The following SDHD variants were observed in gnomAD, a reference collection of about 807,000 sequenced individuals.
The protein encoded by SDHD is succinate dehydrogenase complex subunit D, also known as succinate dehydrogenase [ubiquinone] cytochrome b small subunit, mitochondrial.
In SDHD, 6 loss-of-function variants were observed where a neutral mutation model predicts 18.7. The observed-to-expected ratio is 0.32, with a 90% confidence interval of 0.18 to 0.63. SDHD has a LOEUF of 0.63. Ranked by LOEUF, SDHD falls within the 30% of genes least tolerant of loss-of-function variation. The pLI is 0.79. For missense variants in SDHD, 160 were observed against 192.7 expected (o/e 0.83, Z 1.00); for synonymous variants, 56 against 73.9 (o/e 0.76, Z 1.24).
At position 112,088,939 on chromosome 11, in the gene SDHD, C is replaced by T. The variant is rs80338844; in HGVS notation, c.242C>T (p.Pro81Leu). The change falls in exon 3 of 4, where the codon CCG becomes CTG. Residue 81 changes from proline (P) to leucine (L), a missense_variant. By Grantham distance (98) the Pro-to-Leu change is moderately conservative (BLOSUM62 -3). Transcript: ENST00000375549. ...AGTGTTTTGCTCCTGGGTCTGCTTC[C>T]GGCTGCTTATTTGAATCCTTGCTCT... Reference protein sequence around the residue: ...VVSVLLLGLLPAAYLNPCSAM... With the variant: ...VVSVLLLGLLLAAYLNPCSAM... 49 of 1,613,648 alleles carry T rather than the reference C, an allele frequency of 3.0e-5. No individual in the cohort carries two copies. Among genetic ancestry groups the T allele is most frequent in the Non-Finnish European group, 3.8e-5 (45 of 1,180,014 alleles).
In SDHD at chr11:112,095,300, C is replaced by T. The variant is rs202236414; in HGVS notation, c.*330C>T. The T allele has an allele frequency of 1.8e-5, 7 of 398,008 alleles. No individual in the cohort carries two copies. The highest frequency in any genetic ancestry group is 2.8e-5 in the Non-Finnish European group (6 of 212,846). 24.7% of individuals were successfully genotyped at this position (398,008 alleles called of 1,614,324 possible). ...TCTTAAAGAGAATCCAACTTTATTA[C>T]GATTAGTATATGATCAAACTTCCAT... is the stretch of plus-strand genomic sequence containing the variant. On this transcript the variant is annotated 3_prime_UTR_variant, in exon 4 of 4. Transcript: ENST00000375549.
At chr11:112,089,248 T>A (rs531564326) in intron 3 of SDHD, among the ~76,000 whole-genome samples, 2 of 152,368 alleles carry the variant, frequency 1.3e-5, no homozygotes, top group East Asian at 3.9e-4. Flanking sequence ...ACTGAATTTC[T>A]GATCTCCCCT....
intron 3 of SDHD, among the ~76,000 whole-genome samples, chr11:112,091,720 A>G (rs999146767): frequency 6.6e-6 from 1 of 151,922 alleles, no homozygotes; most frequent in Non-Finnish European, 1.5e-5. Context: ...GTCATTCTAG[A>G]TATTTCTTTT....
At chr11:112,088,519 T>C (rs1865672056) in intron 2 of SDHD, 1 of 369,204 alleles carries the variant, frequency 2.7e-6, no homozygotes, top group Non-Finnish European at 5.2e-6. Flanking sequence ...CCTGGACCAC[T>C]AACTTACATT....
rs370761122 is a variant in SDHD, at chr11:112,086,967, G to A, written c.52+8G>A. ...GTGCCCTAGGAGGCCGAGGTGAGGG[G>A]TCTTCCCACCCTGAGGTGCTTAGCG... On this transcript the variant is annotated splice_region_variant and intron_variant, in intron 1 of 3. Coordinates refer to ENST00000375549, the MANE Select transcript of SDHD (RefSeq NM_003002.4). 8.1e-6 allele frequency: 13 copies of A among 1,614,172 alleles called. No individual in the cohort carries two copies. Among genetic ancestry groups the A allele is most frequent in the Non-Finnish European group, 1.1e-5 (13 of 1,180,018 alleles).
intron 1 of SDHD, 110 bp from the exon 2 acceptor site, chr11:112,087,747 G>A: frequency 1.3e-6 from 1 of 783,324 alleles, no homozygotes; most frequent in Non-Finnish European, 2.3e-6. Flanking sequence ...TTACAAATAA[G>A]ATGTTATCCC....
At chr11:112,091,378 G>A (rs1031371685) in intron 3 of SDHD, among the ~76,000 whole-genome samples, 1 of 152,160 alleles carries the variant, frequency 6.6e-6, no homozygotes, top group Non-Finnish European at 1.5e-5. Context: ...CTCCCCATAA[G>A]TCACTTTTCT....
Position 112,086,932 on chromosome 11 carries a change from G to T in SDHD, c.25G>T (p.Ala9Ser), listed in dbSNP as rs772671893. The stretch of plus-strand genomic sequence containing the variant: ...GATGGCGGTTCTCTGGAGGCTGAGT[G>T]CCGTTTGCGGTGCCCTAGGAGGCCG... MAVLWRLS[A>S]VCGALGGRAL... The change falls in exon 1 of 4, where the codon GCC (alanine) becomes TCC (serine). Residue 9 changes from alanine to serine, a missense_variant. By Grantham distance (99) the Ala-to-Ser change is moderately conservative. Coordinates refer to ENST00000375549, the MANE Select transcript of SDHD (RefSeq NM_003002.4). The T allele has an allele frequency of 1.9e-6, 3 of 1,614,124 alleles. No individual in the cohort carries two copies. The highest frequency in any genetic ancestry group is 2.2e-5 in the East Asian group (1 of 44,902).
At chr11:112,088,683 T>G (rs1397731114) in intron 2 of SDHD, 184 bp from the exon 3 acceptor site, 1 of 703,418 alleles carries the variant, frequency 1.4e-6, no homozygotes, top group Non-Finnish European at 2.5e-6. Flanking sequence ...AAAACAGAGA[T>G]AAAGCCTTCA....
Position 112,094,830 on chromosome 11 carries a change from T to A in SDHD, c.340T>A (p.Tyr114Asn), listed in dbSNP as rs876659276. The A allele has an allele frequency of 6.2e-7, 1 of 1,612,032 alleles. No individual in the cohort carries two copies. The highest frequency in any genetic ancestry group is 8.5e-7 in the Non-Finnish European group (1 of 1,179,832). ...HWGLGQVVTD[Y>N]VHGDALQKAA... ...GGGCCTTGGACAAGTTGTTACTGAC[T>A]ATGTTCATGGGGATGCCTTGCAGAA... The change falls in exon 4 of 4, where the codon TAT becomes AAT. Residue 114 changes from tyrosine (Y) to asparagine (N), a missense_variant. By Grantham distance (143) the Tyr-to-Asn change is moderately radical. Transcript: ENST00000375549.
chr11:112,092,441 C>A (rs1056293005), intron 3 of SDHD, among the ~76,000 whole-genome samples: 6 of 152,148 alleles, frequency 3.9e-5, no homozygotes, highest in Non-Finnish European at 7.3e-5. Flanking sequence ...CACACTACAG[C>A]CATAGTGACC....
intron 2 of SDHD, 33 bp downstream of exon 2, chr11:112,088,006 C>T: frequency 7.0e-7 from 1 of 1,418,698 alleles, no homozygotes; most frequent in Non-Finnish European, 1.0e-6. Context: ...GCTTTCTGGG[C>T]TCTAGCCATC....
chr11:112,091,125 C>A, intron 3 of SDHD: 1 of 973,758 alleles, frequency 1.0e-6, no homozygotes, highest in South Asian at 4.8e-5. Flanking sequence ...TATTAGATCA[C>A]AAGTACAGTA....
At chr11:112,094,688 A>G (rs1865806342) in intron 3 of SDHD, 117 bp from the exon 4 acceptor site, 1 of 888,976 alleles carries the variant, frequency 1.1e-6, no homozygotes, top group Non-Finnish European at 1.8e-6. Context: ...TGGAGTGGCA[A>G]ATGGAGACAT....
chr11:112,095,679 A>G lies in SDHD; in HGVS notation c.*709A>G, dbSNP rs199710271. ...ACAATCTGTCCACAAATATAAAACT[A>G]TAAGTAATAAATTGTTATTTTCGCA... On this transcript the variant is annotated 3_prime_UTR_variant, in exon 4 of 4. Coordinates refer to ENST00000375549, the MANE Select transcript of SDHD (RefSeq NM_003002.4). The G allele has an allele frequency of 1.4e-5, 3 of 222,000 alleles. No homozygotes were observed. Among genetic ancestry groups the G allele is most frequent in the African/African-American group, 4.5e-5 (2 of 44,886 alleles). 13.8% of individuals were successfully genotyped at this position (222,000 alleles called of 1,614,324 possible).
intron 3 of SDHD, 125 bp downstream of exon 3, chr11:112,089,136 A>C: frequency 1.1e-6 from 1 of 919,018 alleles, no homozygotes; most frequent in Non-Finnish European, 1.7e-6. Context: ...TTTAAAATAT[A>C]TATAAAATAT....
Position 112,088,933 on chromosome 11 carries a change from T to G in SDHD, c.236T>G (p.Leu79Arg). The G allele has an allele frequency of 6.2e-7, 1 of 1,613,666 alleles. No individual in the cohort carries two copies. Among genetic ancestry groups the G allele is most frequent in the Non-Finnish European group, 8.5e-7 (1 of 1,180,002 alleles). ...ERVVSVLLLG[L>R]LPAAYLNPCS... Reference sequence around the variant, plus strand: ...GTTGTCAGTGTTTTGCTCCTGGGTCTGCTTCCGGCTGCTTATTTGAATCCT... The same window carrying G: ...GTTGTCAGTGTTTTGCTCCTGGGTCGGCTTCCGGCTGCTTATTTGAATCCT... Residue 79 changes from leucine (L) to arginine (R), a missense_variant, in exon 3 of 4, where the codon CTG becomes CGG. Coordinates refer to ENST00000375549, the MANE Select transcript of SDHD (RefSeq NM_003002.4).
rs548602986 is a variant in SDHD, at chr11:112,088,262, C to T, written c.169+289C>T. The T allele has an allele frequency of 3.5e-5, 14 of 401,422 alleles. No homozygotes were observed. The Admixed American group carries it at 3.6e-4, about 10-fold the overall frequency. 24.9% of individuals were successfully genotyped at this position (401,422 alleles called of 1,614,324 possible). On this transcript the variant is annotated intron_variant, in intron 2 of 3. Coordinates refer to ENST00000375549, the MANE Select transcript of SDHD (RefSeq NM_003002.4). ...TTATGCAGGCTGGAGTGCAGTGGTG[C>T]GATCTCGGCTCACTGCAACCTCCAC... is the stretch of plus-strand genomic sequence containing the variant.
rs527483382 is a variant in SDHD, at chr11:112,091,223, TATTA to T, written c.314+2216_314+2219del. On this transcript the variant is annotated intron_variant, in intron 3 of 3. Coordinates refer to ENST00000375549, the MANE Select transcript of SDHD (RefSeq NM_003002.4). ...TCAACACTGAGTCTCTTTTAGCCTG[TATTA>T]ATTGGGGTCTTATCCCAACTATATA... 18 of 385,078 alleles carry T rather than the reference TATTA, an allele frequency of 4.7e-5. No homozygotes were observed. The Admixed American group carries it at 1.1e-3, about 23-fold the overall frequency. 23.9% of individuals were successfully genotyped at this position (385,078 alleles called of 1,614,324 possible).
Sources: allele counts gnomAD v4.1 joint callset (sites outside exome capture counted in the v4.1 genomes callset), GRCh38; gene constraint gnomAD v4.1.1; transcripts MANE v1.5; gene names NCBI Gene and HGNC (gene_info 2026-07-23, HGNC 2026-07-21).